The following UTRN variants were observed in gnomAD, a reference collection of about 807,000 sequenced individuals.
UTRN encodes the protein dystrophin-related protein 1.
Under a neutral mutation model 463.9 loss-of-function variants are expected in UTRN, and 283 were observed. That is an observed-to-expected ratio of 0.61 (90% CI 0.55 to 0.67). UTRN has a LOEUF of 0.67. Ranked by LOEUF, UTRN falls within the 30% of genes least tolerant of loss-of-function variation. The probability of loss-of-function intolerance (pLI) is 0.00; values close to 1 mark genes in which losing one functional copy is unlikely to be tolerated. For synonymous variants in UTRN, 1,442 were observed against 1,431.5 expected (o/e 1.01, Z -0.17); for missense variants, 3,922 against 4,084.3 (o/e 0.96, Z 1.08).
rs981306167 is a variant in UTRN, at chr6:144,421,456, G to A, written c.142-422G>A. Reference sequence around the variant, plus strand: ...TGTAATCCCAGCACTTTGGGAGGCCGAGGTGGGCGGATCATGAGGTCAGGA... The same window carrying A: ...TGTAATCCCAGCACTTTGGGAGGCCAAGGTGGGCGGATCATGAGGTCAGGA... On this transcript the variant is annotated intron_variant, in intron 3 of 74. Transcript: ENST00000367545. Among the ~76,000 whole-genome samples the A allele has an allele frequency of 1.8e-4, 27 of 152,102 alleles. No homozygotes were observed. The East Asian group carries it at 2.7e-3, about 15-fold the overall frequency.
chr6:144,490,155 G>C lies in UTRN; in HGVS notation c.4219G>C (p.Glu1407Gln), dbSNP rs1212351202. 3.7e-6 allele frequency: 6 copies of C among 1,613,650 alleles called. No individual in the cohort carries two copies. The highest frequency in any genetic ancestry group is 4.2e-6 in the Non-Finnish European group (5 of 1,179,816). ...NMRSQPLTSP[E>Q]SRTARGGSQM... ...GCGTTCTCAGCCCCTGACCTCCCCA[G>C]AGAGTAGGACTGCCAGAGGAGGAAG... Residue 1407 changes from glutamate to glutamine, a missense_variant, in exon 31 of 75, where the codon GAG (glutamate) becomes CAG (glutamine). Physicochemically the swap from Glu to Gln is conservative, Grantham distance 29. Coordinates refer to ENST00000367545, the MANE Select transcript of UTRN (RefSeq NM_007124.3).
chr6:144,477,238 G>T (rs1791312870), intron 25 of UTRN, among the ~76,000 whole-genome samples: 1 of 152,084 alleles, frequency 6.6e-6, no homozygotes, highest in East Asian at 1.9e-4. Context: ...TGAAGTGAGT[G>T]ACAAAGCAGT....
At chr6:144,582,674 TA>T (rs1166138157) in intron 51 of UTRN, among the ~76,000 whole-genome samples, 2 of 152,242 alleles carry the variant, frequency 1.3e-5, no homozygotes, top group African/African-American at 2.4e-5. Context: ...CTTAGCTGTT[TA>T]ATTAGACAAA....
At position 144,354,303 on chromosome 6, in the gene UTRN, C is replaced by A. The variant is rs549164858; in HGVS notation, c.80-48820C>A. Reference sequence around the variant, plus strand: ...ACAAAAAAGTCTCAAAGCTCTGCCCCCTGCGTCAGTAGGAAGCTGTATTTT... The same window carrying A: ...ACAAAAAAGTCTCAAAGCTCTGCCCACTGCGTCAGTAGGAAGCTGTATTTT... On this transcript the variant is annotated intron_variant, in intron 2 of 74. Coordinates refer to ENST00000367545, the MANE Select transcript of UTRN (RefSeq NM_007124.3). 7.9e-5 allele frequency among the ~76,000 whole-genome samples: 12 copies of A among 152,288 alleles called. No individual in the cohort carries two copies. The South Asian group carries it at 1.2e-3, about 16-fold the overall frequency.
At chr6:144,588,079 C>CT (rs1802644308) in intron 51 of UTRN, among the ~76,000 whole-genome samples, 1 of 152,142 alleles carries the variant, frequency 6.6e-6, no homozygotes, top group Non-Finnish European at 1.5e-5. Context: ...ACACAGACTA[C>CT]TTTCTCTACT....
rs113497073 is a variant in UTRN, at chr6:144,412,790, CAGT to C, written c.142-9086_142-9084del. 7.1e-3 allele frequency among the ~76,000 whole-genome samples: 1,000 copies of C among 141,436 alleles called. 7 individuals carry two copies. The highest frequency in any genetic ancestry group is 0.019 in the African/African-American group (688 of 35,598). 92.8% of individuals were successfully genotyped at this position (141,436 alleles called of 152,430 possible). On this transcript the variant is annotated intron_variant, in intron 3 of 74. Transcript: ENST00000367545. The stretch of plus-strand genomic sequence containing the variant: ...ACACACACACACACACACACACACA[CAGT>C]AAACAATGGGACTGGTAATTGAATT...
rs1311617530 is a variant in UTRN, at chr6:144,444,341, C to A, written c.1573C>A (p.Gln525Lys). 1.2e-6 allele frequency: 2 copies of A among 1,610,662 alleles called. No homozygotes were observed. Among genetic ancestry groups the A allele is most frequent in the Admixed American group, 1.7e-5 (1 of 59,858 alleles). The change falls in exon 14 of 75, where the codon CAA becomes AAA. Residue 525 changes from glutamine to lysine, a missense_variant. By Grantham distance (53) the Gln-to-Lys change is moderately conservative. Coordinates refer to ENST00000367545, the MANE Select transcript of UTRN (RefSeq NM_007124.3). ...GACTGAAGAACGCTGGAATAGGTTACAAGAAATCAATATATTGTGGCAGGA... is the reference window on the plus strand; with the variant it reads ...GACTGAAGAACGCTGGAATAGGTTAAAAGAAATCAATATATTGTGGCAGGA... ...RWTEERWNRL[Q>K]EINILWQELL...
chr6:144,365,437 T>G (rs1307098139), intron 2 of UTRN, among the ~76,000 whole-genome samples: 1 of 152,220 alleles, frequency 6.6e-6, no homozygotes, highest in African/African-American at 2.4e-5. Context: ...AACTTTCTTG[T>G]GACAAAAGCA....
chr6:144,335,342 C>T (rs1562261597), intron 2 of UTRN, among the ~76,000 whole-genome samples: 1 of 152,214 alleles, frequency 6.6e-6, no homozygotes, highest in Non-Finnish European at 1.5e-5. Context: ...GACATTGTTT[C>T]TGAGTTCCCT....
chr6:144,634,930 T>G (rs1776944044), intron 51 of UTRN, among the ~76,000 whole-genome samples: 1 of 152,172 alleles, frequency 6.6e-6, no homozygotes, highest in Admixed American at 6.5e-5. Flanking sequence ...CGATGGGCAT[T>G]TGGGTTGTTT....
At chr6:144,439,108 A>G (rs1193288821) in intron 12 of UTRN, among the ~76,000 whole-genome samples, 1 of 152,194 alleles carries the variant, frequency 6.6e-6, no homozygotes, top group African/African-American at 2.4e-5. Context: ...TGTGATGTGC[A>G]GTTTTCTTTT....
At chr6:144,604,974 A>T (rs569625417) in intron 51 of UTRN, among the ~76,000 whole-genome samples, 1 of 152,166 alleles carries the variant, frequency 6.6e-6, no homozygotes, top group African/African-American at 2.4e-5. Flanking sequence ...GTTTGCAAAT[A>T]TTTTATCTGA....
chr6:144,514,541 T>G, intron 36 of UTRN, 109 bp from the exon 37 acceptor site: 1 of 1,174,670 alleles, frequency 8.5e-7, no homozygotes, highest in Non-Finnish European at 1.2e-6. Flanking sequence ...AATCTCTTAC[T>G]GGGGATCCCA....
At position 144,426,361 on chromosome 6, in the gene UTRN, G is replaced by A. The variant is rs539973709; in HGVS notation, c.480G>A (p.Val160=). 3.4e-5 allele frequency: 55 copies of A among 1,614,030 alleles called. No homozygotes were observed. In the South Asian group the frequency reaches 5.3e-4, roughly 15 times the overall value. The part of the protein sequence containing the change: ...TNSEKILLSW[V]RQTTRPYSQV... ...GTGAGAAGATCCTGCTCAGCTGGGT[G>A]CGTCAGACCACCAGGCCCTACAGCC... Residue 160 remains valine, a synonymous_variant, in exon 7 of 75, where the codon GTG becomes GTA. Transcript: ENST00000367545.
chr6:144,297,455 G>A (rs1562716714), intron 2 of UTRN, among the ~76,000 whole-genome samples: 1 of 152,156 alleles, frequency 6.6e-6, no homozygotes, highest in Non-Finnish European at 1.5e-5. Flanking sequence ...CAGTGGTTAA[G>A]TTGTATTTAG....
chr6:144,753,754 C>G (rs979688743), intron 56 of UTRN, among the ~76,000 whole-genome samples: 15 of 151,388 alleles, frequency 9.9e-5, no homozygotes, highest in Non-Finnish European at 1.6e-4. Context: ...GTAGTCCCAG[C>G]TACCTGGGAG....
chr6:144,310,475 G>T (rs1474913744), intron 2 of UTRN, among the ~76,000 whole-genome samples: 1 of 151,260 alleles, frequency 6.6e-6, no homozygotes, highest in Non-Finnish European at 1.5e-5. Context: ...GGCGGAGGTT[G>T]CAGTGAGCTG....
intron 23 of UTRN, among the ~76,000 whole-genome samples, chr6:144,472,093 G>T (rs188353991): frequency 6.6e-6 from 1 of 152,302 alleles, no homozygotes; most frequent in East Asian, 1.9e-4. Context: ...CCAGAAAAAT[G>T]GAGATGGAGG....
At chr6:144,692,404 T>C (rs1244864497) in intron 52 of UTRN, among the ~76,000 whole-genome samples, 1 of 152,228 alleles carries the variant, frequency 6.6e-6, no homozygotes, top group Non-Finnish European at 1.5e-5. Flanking sequence ...TTTGGGTATA[T>C]ACCCAGTAAT....
Sources: gnomAD v4.1 joint callset for allele counts (sites outside exome capture counted in the v4.1 genomes callset) on GRCh38, gnomAD v4.1.1 for gene constraint, MANE v1.5 for transcripts, NCBI Gene and HGNC (gene_info 2026-07-23, HGNC 2026-07-21) for gene names.